Variants in CDH8 observed in about 807,000 individuals in gnomAD.
CDH8 encodes the protein cadherin-8.
CDH8 carries 17 observed loss-of-function variants against 68.1 expected under a neutral mutation model. The observed-to-expected ratio is 0.25, with a 90% CI of 0.17 to 0.37. CDH8 has a LOEUF of 0.37. Ranked by LOEUF, CDH8 falls within the 10% of genes least tolerant of loss-of-function variation. The pLI is 1.00. For missense variants in CDH8, 763 were observed against 999.3 expected (o/e 0.76, Z 3.19); for synonymous variants, 372 against 365.1 (o/e 1.02, Z -0.21).
intron 10 of CDH8, among the ~76,000 whole-genome samples, chr16:61,703,227 C>T (rs751014888): frequency 5.3e-5 from 8 of 151,944 alleles, no homozygotes; most frequent in Admixed American, 6.6e-5. Flanking sequence ...TTGTAGAATA[C>T]GTATTTATTT....
chr16:61,655,679 C>T lies in CDH8; in HGVS notation c.1697G>A (p.Arg566His). ...SILAKHNGFN[R>H]QKQEVYLLPI... Reference sequence around the variant, plus strand: ...TAAAAGATAGACTTCTTGCTTCTGGCGGTTGAATCCATTATGCTTTGCCAA... The same window carrying T: ...TAAAAGATAGACTTCTTGCTTCTGGTGGTTGAATCCATTATGCTTTGCCAA... Residue 566 changes from arginine (R) to histidine (H), a missense_variant, in exon 11 of 12, where the codon CGC (arginine) becomes CAC (histidine). This residue lies in a region of CDH8 where 397 missense variants were observed against 436.2 expected (regional missense o/e 0.91). Transcript: ENST00000577390. 1 of 1,613,792 alleles carries T rather than the reference C, an allele frequency of 6.2e-7. No homozygotes were observed. Among genetic ancestry groups the T allele is most frequent in the Non-Finnish European group, 8.5e-7 (1 of 1,179,782 alleles).
At chr16:61,884,656 G>A (rs1286450443) in intron 3 of CDH8, among the ~76,000 whole-genome samples, 2 of 152,178 alleles carry the variant, frequency 1.3e-5, no homozygotes, top group Admixed American at 6.5e-5. Context: ...TTACAGGCGT[G>A]AGCCACTGCA....
chr16:61,845,671 A>C (rs1962792689), intron 4 of CDH8, among the ~76,000 whole-genome samples: 1 of 152,070 alleles, frequency 6.6e-6, no homozygotes, highest in South Asian at 2.1e-4. Context: ...TATCACACTT[A>C]AGATTCTGAA....
intron 8 of CDH8, among the ~76,000 whole-genome samples, chr16:61,746,556 A>AACACAC (rs71675273): frequency 0.095 from 13,347 of 140,064 alleles, 749 homozygotes; most frequent in African/African-American, 0.15. Context: ...ATTCCCCCCC[A>AACACAC]ACACACACAC....
At chr16:61,902,198 C>A (rs1416761573) in intron 2 of CDH8, among the ~76,000 whole-genome samples, 1 of 152,086 alleles carries the variant, frequency 6.6e-6, no homozygotes, top group African/African-American at 2.4e-5. Context: ...GAAATGGAAC[C>A]CCTTCAGAAA....
intron 2 of CDH8, among the ~76,000 whole-genome samples, chr16:61,925,126 G>GA (rs1442047843): frequency 6.6e-6 from 1 of 152,112 alleles, no homozygotes. Context: ...ATATGTGTGA[G>GA]AAAAATTGCT....
chr16:61,857,729 C>T (rs999863529), intron 3 of CDH8, among the ~76,000 whole-genome samples: 1 of 152,030 alleles, frequency 6.6e-6, no homozygotes, highest in Non-Finnish European at 1.5e-5. Flanking sequence ...ATCTGAGTCA[C>T]CAATTAATCA....
rs1054393470 is a variant in CDH8 at position 61,647,579 on chromosome 16, G to T, written c.*6029C>A. 4 of 522,952 alleles carry T rather than the reference G, an allele frequency of 7.6e-6. No individual in the cohort carries two copies. The highest frequency in any genetic ancestry group is 3.9e-5 in the African/African-American group (2 of 51,062). The allele number at this position is 522,952 out of a possible 1,614,324, so 32.4% of individuals were successfully genotyped here. On this transcript the variant is annotated 3_prime_UTR_variant, in exon 12 of 12. Transcript: ENST00000577390. ...ATCATAGGATGGCCTGAAGTTCTTT[G>T]CATGTACAGAAGAAATCCCAAGAAA... is the stretch of plus-strand genomic sequence containing the variant.
At chr16:62,008,264 G>A (rs1021954388) in intron 2 of CDH8, among the ~76,000 whole-genome samples, 28 of 152,078 alleles carry the variant, frequency 1.8e-4, no homozygotes, top group Non-Finnish European at 7.4e-5. Context: ...TGTATCACTT[G>A]TAGTGTGACT....
intron 7 of CDH8, among the ~76,000 whole-genome samples, chr16:61,790,104 T>G (rs1211124717): frequency 6.6e-6 from 1 of 152,068 alleles, no homozygotes; most frequent in Non-Finnish European, 1.5e-5. Flanking sequence ...GTTAATGTTT[T>G]TTAAAAGTTA....
At chr16:61,754,723 G>A (rs1023202539) in intron 8 of CDH8, among the ~76,000 whole-genome samples, 4 of 151,814 alleles carry the variant, frequency 2.6e-5, no homozygotes, top group Non-Finnish European at 4.4e-5. Context: ...CTTTAATAAT[G>A]AATACTAAAA....
Position 61,848,400 on chromosome 16 carries a change from G to T in CDH8, c.667+8719C>A, listed in dbSNP as rs921349731. Among the ~76,000 whole-genome samples, 4 of 152,080 alleles carry T rather than the reference G, an allele frequency of 2.6e-5. No homozygotes were observed. The South Asian group carries it at 6.2e-4, about 24-fold the overall frequency. On this transcript the variant is annotated intron_variant, in intron 4 of 11. Coordinates refer to ENST00000577390, the MANE Select transcript of CDH8 (RefSeq NM_001796.5). ...CTCTAGCTATGGTCAACACTGGAAA[G>T]CTCCTTGTGAACTTCAAAAATGGTT...
chr16:61,917,987 T>A (rs1010892612), intron 2 of CDH8, among the ~76,000 whole-genome samples: 3 of 128,694 alleles, frequency 2.3e-5, no homozygotes, highest in South Asian at 4.8e-4. Context: ...TTTTTTTTTT[T>A]ACCGTACTGA....
intron 2 of CDH8, among the ~76,000 whole-genome samples, chr16:61,937,092 TAAAC>T (rs772265907): frequency 3.3e-5 from 5 of 152,090 alleles, no homozygotes; most frequent in Non-Finnish European, 7.4e-5. Flanking sequence ...AGGATTGAAA[TAAAC>T]AAACAAACAA....
chr16:61,982,038 C>A (rs1965540895), intron 2 of CDH8, among the ~76,000 whole-genome samples: 1 of 152,090 alleles, frequency 6.6e-6, no homozygotes, highest in African/African-American at 2.4e-5. Flanking sequence ...TGTGCCCCCA[C>A]CTTCATGAAC....
At position 61,800,892 on chromosome 16, in the gene CDH8, G is replaced by A. The variant is rs145220587; in HGVS notation, c.1278-11410C>T. Among the ~76,000 whole-genome samples, 1,184 of 152,138 alleles carry A rather than the reference G, an allele frequency of 7.8e-3. 5 individuals are homozygous for A. Among genetic ancestry groups the A allele is most frequent in the Non-Finnish European group, 0.013 (883 of 67,978 alleles). On this transcript the variant is annotated intron_variant, in intron 7 of 11. Coordinates refer to ENST00000577390, the MANE Select transcript of CDH8 (RefSeq NM_001796.5). ...TGTAGAAATATAAGGAAAAATAAAG[G>A]TTTAGTTAAAATGACTCCCATAAAT...
At chr16:61,832,378 AGATAC>A (rs1213796530) in intron 4 of CDH8, among the ~76,000 whole-genome samples, 19 of 150,612 alleles carry the variant, frequency 1.3e-4, no homozygotes, top group Admixed American at 2.0e-4. Context: ...ATAGATAGAT[AGATAC>A]ATAGAGAAAT....
chr16:61,996,802 A>T (rs959575357), intron 2 of CDH8, among the ~76,000 whole-genome samples: 12 of 152,034 alleles, frequency 7.9e-5, no homozygotes, highest in Non-Finnish European at 1.6e-4. Flanking sequence ...GCTGGTCTCG[A>T]ACTCCCGGGC....
chr16:61,794,892 T>A (rs1961461521), intron 7 of CDH8, among the ~76,000 whole-genome samples: 1 of 151,964 alleles, frequency 6.6e-6, no homozygotes, highest in Admixed American at 6.6e-5. Flanking sequence ...AATCACAAAA[T>A]CAGAAAGGAT....
Sources: gnomAD v4.1 joint callset for allele counts (sites outside exome capture counted in the v4.1 genomes callset) on GRCh38, gnomAD v4.1.1 for gene constraint, gnomAD v4.1.1 regional missense constraint, MANE v1.5 for transcripts, NCBI Gene and HGNC (gene_info 2026-07-23, HGNC 2026-07-21) for gene names.